NDUFA9: variants seen among roughly 807,000 people sequenced by gnomAD.
NDUFA9 encodes the protein NADH dehydrogenase [ubiquinone] 1 alpha subcomplex subunit 9, mitochondrial.
NDUFA9 carries 23 observed loss-of-function variants against 45.9 expected under a neutral mutation model. The observed-to-expected ratio is 0.50, with a 90% CI of 0.36 to 0.71. NDUFA9 has a LOEUF of 0.71. Among genes scored for constraint, NDUFA9 ranks in the 30% least tolerant of loss-of-function variants. The pLI is 0.00. For missense variants in NDUFA9, 466 were observed against 488.2 expected, an observed-to-expected ratio of 0.95 and a Z score of 0.43; for synonymous variants, 176 against 170.5, an observed-to-expected ratio of 1.03 and a Z score of -0.25.
rs551319565 is a variant in NDUFA9, at chr12:4,675,776, T to C, written c.800+5959T>C. ...TTCCTTCTGAAACTATTCCAATCAA[T>C]AGAAAAAGAGGGAATCCTCCCTAAT... On this transcript the variant is annotated intron_variant, in intron 8 of 10. Transcript: ENST00000266544. Among the ~76,000 whole-genome samples the C allele has an allele frequency of 3.3e-5, 5 of 152,124 alleles. No individual in the cohort carries two copies. The East Asian group carries it at 9.7e-4, about 29-fold the overall frequency.
chr12:4,683,868 G>A (rs900146601), intron 9 of NDUFA9, among the ~76,000 whole-genome samples: 2 of 152,180 alleles, frequency 1.3e-5, no homozygotes, highest in Non-Finnish European at 2.9e-5. Context: ...TACACATTAG[G>A]CACTCTGTTA....
chr12:4,691,562 A>G lies in NDUFA9; in HGVS notation c.*4454A>G, dbSNP rs1181214215. The G allele has an allele frequency of 6.6e-6, 1 of 152,230 alleles. No individual in the cohort carries two copies. Among genetic ancestry groups the G allele is most frequent in the East Asian group, 1.9e-4 (1 of 5,190 alleles). 9.4% of individuals were successfully genotyped at this position (152,230 alleles called of 1,614,324 possible). On this transcript the variant is annotated 3_prime_UTR_variant, in exon 11 of 11. Transcript: ENST00000266544. ...AGGTCTTGGAGTGAATGGGAGGTAT[A>G]GTGGAATGGAGGGCGTATTTGAAGA...
Position 4,689,174 on chromosome 12 carries a change from T to G in NDUFA9, c.*2066T>G, listed in dbSNP as rs76432036. On this transcript the variant is annotated 3_prime_UTR_variant, in exon 11 of 11. Transcript: ENST00000266544. ...TTAGTATTAACTCTAGTTACCCTAC[T>G]GATCTATTGAACACCAGGTCTTACT... 2,451 of 152,388 alleles carry G rather than the reference T, an allele frequency of 0.016. 36 individuals are homozygous for G. Among genetic ancestry groups the G allele is most frequent in the Middle Eastern group, 0.034 (10 of 292 alleles). 9.4% of individuals were successfully genotyped at this position (152,388 alleles called of 1,614,324 possible).
At chr12:4,686,895 A>G in intron 10 of NDUFA9, 43 bp from the exon 11 acceptor site, 1 of 1,589,768 alleles carries the variant, frequency 6.3e-7, no homozygotes, top group Non-Finnish European at 8.6e-7. Flanking sequence ...CTTTGTTCTC[A>G]GCCAGTTTTC....
intron 2 of NDUFA9, 49 bp from the exon 3 acceptor site, chr12:4,654,776 A>G (rs776955745): frequency 8.2e-6 from 11 of 1,335,414 alleles, no homozygotes; most frequent in Non-Finnish European, 1.2e-5. Context: ...TGTATAATAT[A>G]TCCACATTAT....
chr12:4,674,669 G>A (rs998067037), intron 8 of NDUFA9, among the ~76,000 whole-genome samples: 1 of 152,132 alleles, frequency 6.6e-6, no homozygotes, highest in Non-Finnish European at 1.5e-5. Context: ...GATTCAAAAA[G>A]CAAGTTCTTG....
rs12302355 is a variant in NDUFA9 at position 4,686,081 on chromosome 12, G to C, written c.963+756G>C. On this transcript the variant is annotated intron_variant, in intron 10 of 10. Transcript: ENST00000266544. ...CTATGAAAGATCAGGCAGGATCGCT[G>C]GTTGTCAGACACTTCAGTTTATCTT... is the stretch of plus-strand genomic sequence containing the variant. Among the ~76,000 whole-genome samples the C allele has an allele frequency of 2.9e-3, 442 of 152,308 alleles. 1 individual carries two copies. Among genetic ancestry groups the C allele is most frequent in the African/African-American group, 0.01 (424 of 41,568 alleles).
Position 4,690,726 on chromosome 12 carries a change from T to G in NDUFA9, c.*3618T>G, listed in dbSNP as rs1345312253. ...CTCTGTCTAAAATAAATAATAATAATAATAATAATAAAGGTACATGATGGA... is the reference window on the plus strand; with the variant it reads ...CTCTGTCTAAAATAAATAATAATAAGAATAATAATAAAGGTACATGATGGA... On this transcript the variant is annotated 3_prime_UTR_variant, in exon 11 of 11. Transcript: ENST00000266544. 1 of 151,392 alleles carries G rather than the reference T, an allele frequency of 6.6e-6. No homozygotes were observed. Among genetic ancestry groups the G allele is most frequent in the Non-Finnish European group, 1.5e-5 (1 of 67,876 alleles). 9.4% of individuals were successfully genotyped at this position (151,392 alleles called of 1,614,324 possible).
At chr12:4,667,030 A>G (rs1357647524) in intron 6 of NDUFA9, among the ~76,000 whole-genome samples, 1 of 152,226 alleles carries the variant, frequency 6.6e-6, no homozygotes, top group Non-Finnish European at 1.5e-5. Context: ...TTTATAAAGA[A>G]GAGAAATTTA....
At position 4,655,074 on chromosome 12, in the gene NDUFA9, G is replaced by T; in HGVS notation, c.318+152G>T. Reference sequence around the variant, plus strand: ...AGGTCATTCTTTCAGCTAGGTTCCGGCATCTCCTTTGTCATGCAAGCTCTA... The same window carrying T: ...AGGTCATTCTTTCAGCTAGGTTCCGTCATCTCCTTTGTCATGCAAGCTCTA... On this transcript the variant is annotated intron_variant, in intron 3 of 10. Transcript: ENST00000266544. The T allele has an allele frequency of 5.0e-6, 3 of 603,796 alleles. No homozygotes were observed. The South Asian group carries it at 7.3e-5, about 15-fold the overall frequency. 37.4% of individuals were successfully genotyped at this position (603,796 alleles called of 1,614,324 possible). A position where few individuals can be genotyped will look rare whatever the true frequency, so the allele number is the denominator to read the frequency against.
Position 4,689,926 on chromosome 12 carries a change from GCGCCCC to G in NDUFA9, c.*2820_*2825del, listed in dbSNP as rs1039516263. On this transcript the variant is annotated 3_prime_UTR_variant, in exon 11 of 11. Transcript: ENST00000266544. ...GGACTGGTCGGCTGGCTGGGCGGAG[GCGCCCC>G]CCACACAAACACTGAAGCCGTAGCA... 5 of 154,888 alleles carry G rather than the reference GCGCCCC, an allele frequency of 3.2e-5. No homozygotes were observed. The highest frequency in any genetic ancestry group is 9.6e-5 in the African/African-American group (4 of 41,498). The allele number at this position is 154,888 out of a possible 1,614,324, so 9.6% of individuals were successfully genotyped here.
rs542668265 is a variant in NDUFA9, at chr12:4,668,279, C to T, written c.656-178C>T. On this transcript the variant is annotated intron_variant, in intron 6 of 10. Coordinates refer to ENST00000266544, the MANE Select transcript of NDUFA9 (RefSeq NM_005002.5). The stretch of plus-strand genomic sequence containing the variant: ...TTAAACATTTGGCCTTTTTATTTTC[C>T]GAGTTTATTATCTGAAAAACTAATG... Among the ~76,000 whole-genome samples, 89 of 152,238 alleles carry T rather than the reference C, an allele frequency of 5.8e-4. 1 individual carries two copies. The highest frequency in any genetic ancestry group is 2.0e-3 in the African/African-American group (81 of 41,538).
chr12:4,650,678 C>T (rs1945753710), intron 1 of NDUFA9, among the ~76,000 whole-genome samples: 1 of 152,108 alleles, frequency 6.6e-6, no homozygotes, highest in African/African-American at 2.4e-5. Flanking sequence ...CACAGGAAAT[C>T]ATAAAAGGGA....
intron 1 of NDUFA9, among the ~76,000 whole-genome samples, chr12:4,650,378 C>A (rs957457587): frequency 2.0e-5 from 3 of 152,128 alleles, no homozygotes; most frequent in African/African-American, 7.2e-5. Flanking sequence ...TAAACTATTA[C>A]AATTGTATGA....
At chr12:4,663,377 C>T (rs772027489) in intron 6 of NDUFA9, among the ~76,000 whole-genome samples, 100 of 152,050 alleles carry the variant, frequency 6.6e-4, no homozygotes, top group African/African-American at 2.2e-3. Flanking sequence ...CCTCATAATT[C>T]GTATGTTGAA....
chr12:4,677,838 C>T lies in NDUFA9; in HGVS notation c.801-4367C>T, dbSNP rs375618402. ...ATTCTAGTATAAAGCCACATGCACA[C>T]GTATGTTTATTACGGCACTGTTCAC... On this transcript the variant is annotated intron_variant, in intron 8 of 10. Transcript: ENST00000266544. Among the ~76,000 whole-genome samples, 41 of 152,270 alleles carry T rather than the reference C, an allele frequency of 2.7e-4. No individual in the cohort carries two copies. In the Middle Eastern group the frequency reaches 0.014, roughly 51 times the overall value.
Position 4,693,470 on chromosome 12 carries a change from C to T in NDUFA9, c.*6362C>T, listed in dbSNP as rs1298482755. The T allele has an allele frequency of 6.6e-6, 1 of 152,164 alleles. No individual in the cohort carries two copies. The highest frequency in any genetic ancestry group is 6.5e-5 in the Admixed American group (1 of 15,278). The allele number at this position is 152,164 out of a possible 1,614,324, so 9.4% of individuals were successfully genotyped here. A position where few individuals can be genotyped will look rare whatever the true frequency, so the allele number is the denominator to read the frequency against. On this transcript the variant is annotated 3_prime_UTR_variant, in exon 11 of 11. Coordinates refer to ENST00000266544, the MANE Select transcript of NDUFA9 (RefSeq NM_005002.5). ...TTCTGTATTTTCATTTATCTCCACC[C>T]CCAGTTTACCAGCAGTGGTTATCCT...
intron 8 of NDUFA9, 117 bp from the exon 9 acceptor site, chr12:4,682,088 C>G: frequency 3.2e-6 from 2 of 618,314 alleles, no homozygotes; most frequent in Non-Finnish European, 2.8e-6. Context: ...TTGTGCTATT[C>G]TGTATCTACT....
Position 4,667,118 on chromosome 12 carries a change from A to C in NDUFA9, c.656-1339A>C, listed in dbSNP as rs149999709. 1.4e-4 allele frequency among the ~76,000 whole-genome samples: 21 copies of C among 152,362 alleles called. No individual in the cohort carries two copies. The East Asian group carries it at 4.0e-3, about 29-fold the overall frequency. ...GTGAGGGCCTTCTTGCTGTGTGCTC[A>C]CATGGTGGAAGGTGGAAGGGTGAAA... On this transcript the variant is annotated intron_variant, in intron 6 of 10. Coordinates refer to ENST00000266544, the MANE Select transcript of NDUFA9 (RefSeq NM_005002.5).
Sources: gnomAD v4.1 joint callset for allele counts (sites outside exome capture counted in the v4.1 genomes callset) on GRCh38, gnomAD v4.1.1 for gene constraint, MANE v1.5 for transcripts, NCBI Gene and HGNC (gene_info 2026-07-23, HGNC 2026-07-21) for gene names.